The following TASP1 variants were observed in gnomAD, a reference collection of about 807,000 sequenced individuals.
TASP1 encodes threonine aspartase 1.
In TASP1, 16 loss-of-function variants were observed where a neutral mutation model predicts 56.6. The ratio of observed to expected loss-of-function variants is 0.28; its 90% CI spans 0.19 to 0.43. TASP1 has a LOEUF of 0.43. Ranked by LOEUF, TASP1 falls within the 20% of genes least tolerant of loss-of-function variation. The pLI is 1.00. For synonymous variants in TASP1, 179 were observed against 184.2 expected, an observed-to-expected ratio of 0.97 and a Z score of 0.23; for missense variants, 393 against 511.6, an observed-to-expected ratio of 0.77 and a Z score of 2.24.
chr20:13,551,210 T>C (rs1232907186), intron 8 of TASP1, among the ~76,000 whole-genome samples: 3 of 152,146 alleles, frequency 2.0e-5, no homozygotes, highest in African/African-American at 4.8e-5. Context: ...ATTGCAAAAT[T>C]TTTTAACTTG....
the TASP1 span, among the ~76,000 whole-genome samples, chr20:13,246,003 C>T: frequency 0.013 from 1,915 of 152,328 alleles, 42 homozygotes; most frequent in African/African-American, 0.044. Flanking sequence ...CGCTGTGGCT[C>T]ACGCCTATAA....
chr20:13,161,496 G>A, the TASP1 span, among the ~76,000 whole-genome samples: 2 of 152,314 alleles, frequency 1.3e-5, no homozygotes, highest in East Asian at 3.9e-4. Context: ...CTCCTGGGGA[G>A]TGCCTACATT....
At chr20:13,450,130 T>A (rs1182414847) in intron 11 of TASP1, among the ~76,000 whole-genome samples, 2 of 152,146 alleles carry the variant, frequency 1.3e-5, no homozygotes, top group Admixed American at 1.3e-4. Flanking sequence ...ACTAACTGTA[T>A]AGCAGTGCTA....
At chr20:13,167,247 GATTTTAATT>G in the TASP1 span, 1 of 145,718 alleles carries the variant, frequency 6.9e-6, no homozygotes, top group African/African-American at 2.8e-5. Flanking sequence ...ATAAGTTCAT[GATTTTAATT>G]CATGATTTTA....
the TASP1 span, chr20:13,298,792 T>C: frequency 1.2e-4 from 84 of 709,742 alleles, 5 homozygotes; most frequent in South Asian, 1.5e-3. Context: ...TGTCTGGCTC[T>C]AGGACAGGAG....
intron 11 of TASP1, among the ~76,000 whole-genome samples, chr20:13,462,866 ATAAAT>A (rs1195450686): frequency 1.3e-5 from 2 of 152,152 alleles, no homozygotes; most frequent in Non-Finnish European, 2.9e-5. Flanking sequence ...ATTTTTAAAA[ATAAAT>A]TAAAGGTACA....
At chr20:13,492,676 G>T (rs6134885) in intron 10 of TASP1, among the ~76,000 whole-genome samples, 30,371 of 152,104 alleles carry the variant, frequency 0.2, 3,279 homozygotes, top group Middle Eastern at 0.27. Context: ...CACATATTTA[G>T]CGTTTCCCAA....
At chr20:13,436,877 A>G (rs6042093) in intron 11 of TASP1, among the ~76,000 whole-genome samples, 8,895 of 152,236 alleles carry the variant, frequency 0.058, 365 homozygotes, top group African/African-American at 0.12. Flanking sequence ...AGTTCGGCTT[A>G]GCGTTTAACT....
chr20:13,418,995 C>T (rs998716991), intron 12 of TASP1, among the ~76,000 whole-genome samples: 1 of 152,130 alleles, frequency 6.6e-6, no homozygotes, highest in African/African-American at 2.4e-5. Context: ...ATGTGTCATT[C>T]TGGATTGTAC....
chr20:13,137,767 G>T, the TASP1 span, among the ~76,000 whole-genome samples: 1 of 152,176 alleles, frequency 6.6e-6, no homozygotes, highest in East Asian at 1.9e-4. Context: ...CAAAATTAAA[G>T]AAAGCAATCC....
At chr20:13,588,238 AAAGAAAGGAAGAAAGGAAGG>A (rs2047378672) in intron 4 of TASP1, among the ~76,000 whole-genome samples, 1 of 136,580 alleles carries the variant, frequency 7.3e-6, no homozygotes, top group African/African-American at 2.8e-5. Context: ...AAGGAGAAAG[AAAGAAAGGAAGAAAGGAAGG>A]AAGGAAGGAA....
At chr20:13,280,560 G>T in the TASP1 span, among the ~76,000 whole-genome samples, 1 of 152,198 alleles carries the variant, frequency 6.6e-6, no homozygotes, top group Non-Finnish European at 1.5e-5. Flanking sequence ...CAGTCATTCA[G>T]GGATCCAGCC....
chr20:13,439,772 C>A (rs1271548705), intron 11 of TASP1, among the ~76,000 whole-genome samples: 1 of 151,490 alleles, frequency 6.6e-6, no homozygotes, highest in Non-Finnish European at 1.5e-5. Flanking sequence ...AAAAATGAGT[C>A]AAAAATATAA....
the TASP1 span, among the ~76,000 whole-genome samples, chr20:13,301,892 A>G: frequency 6.6e-6 from 1 of 152,228 alleles, no homozygotes; most frequent in African/African-American, 2.4e-5. Context: ...AAGTACTATG[A>G]AGAAATAGAG....
At chr20:13,405,814 C>T (rs1330354215) in intron 13 of TASP1, among the ~76,000 whole-genome samples, 4 of 152,056 alleles carry the variant, frequency 2.6e-5, no homozygotes, top group Admixed American at 6.6e-5. Flanking sequence ...CCTCAGCCTC[C>T]GAAAGTGCTG....
At chr20:13,164,055 TC>T in the TASP1 span, among the ~76,000 whole-genome samples, 4 of 151,718 alleles carry the variant, frequency 2.6e-5, no homozygotes, top group African/African-American at 4.8e-5. Flanking sequence ...CCCTCCCCAC[TC>T]CCCCCATCCC....
chr20:13,279,762 C>G, the TASP1 span: 194 of 1,613,916 alleles, frequency 1.2e-4, no homozygotes, highest in Non-Finnish European at 1.5e-4. Context: ...TGTCCTTGGC[C>G]AGGGCAAACA....
chr20:13,155,927 C>G, the TASP1 span, among the ~76,000 whole-genome samples: 1 of 152,158 alleles, frequency 6.6e-6, no homozygotes, highest in Non-Finnish European at 1.5e-5. Context: ...CATGAAGTAT[C>G]TGAGGACATA....
At chr20:13,180,489 T>C in the TASP1 span, among the ~76,000 whole-genome samples, 5 of 152,202 alleles carry the variant, frequency 3.3e-5, no homozygotes, top group Admixed American at 2.6e-4. Flanking sequence ...GCCCAGCTTC[T>C]GCTTTCCCTT....
Sources: allele counts gnomAD v4.1 joint callset (sites outside exome capture counted in the v4.1 genomes callset), GRCh38; gene constraint gnomAD v4.1.1; transcripts MANE v1.5; gene names NCBI Gene and HGNC (gene_info 2026-07-23, HGNC 2026-07-21).